The following LRP1B variants were observed in gnomAD, a reference collection of about 807,000 sequenced individuals.
The protein encoded by LRP1B is LDL receptor related protein 1B, also known as low-density lipoprotein receptor-related protein 1B.
Under a neutral mutation model 556.6 loss-of-function variants are expected in LRP1B, and 217 were observed. The observed-to-expected ratio is 0.39, with a 90% CI of 0.35 to 0.44. The LOEUF is 0.44. Among genes scored for constraint, LRP1B ranks in the 20% least tolerant of loss-of-function variants. The pLI is 1.00. For missense variants in LRP1B, 5,053 were observed against 5,620.8 expected, an observed-to-expected ratio of 0.90 and a Z score of 3.23; for synonymous variants, 2,047 against 1,865.8, an observed-to-expected ratio of 1.10 and a Z score of -2.50.
intron 43 of LRP1B, among the ~76,000 whole-genome samples, chr2:140,552,330 T>C (rs1422829937): frequency 1.3e-5 from 2 of 152,096 alleles, no homozygotes; most frequent in Admixed American, 6.6e-5. Context: ...TGACAGTTTT[T>C]CAATGTTATC....
At chr2:141,984,784 A>G (rs1702139504) in intron 1 of LRP1B, among the ~76,000 whole-genome samples, 1 of 152,174 alleles carries the variant, frequency 6.6e-6, no homozygotes, top group South Asian at 2.1e-4. Flanking sequence ...ATTAAAATCC[A>G]GTATTTAATT....
At chr2:142,022,288 AAC>A (rs201229277) in intron 1 of LRP1B, among the ~76,000 whole-genome samples, 12 of 151,518 alleles carry the variant, frequency 7.9e-5, no homozygotes, top group African/African-American at 2.4e-4. Flanking sequence ...TGTAAAAAAA[AAC>A]AACAGTGAAA....
intron 86 of LRP1B, among the ~76,000 whole-genome samples, chr2:140,259,788 G>C (rs1681852305): frequency 6.6e-6 from 1 of 151,918 alleles, no homozygotes; most frequent in South Asian, 2.1e-4. Context: ...GAATAGAACA[G>C]GCAGCATTCC....
chr2:140,994,227 G>T (rs1697176753), intron 15 of LRP1B, 92 bp from the exon 16 acceptor site: 1 of 1,098,792 alleles, frequency 9.1e-7, no homozygotes, highest in East Asian at 2.4e-5. Context: ...GTTTGTTTTA[G>T]ATTCTACATA....
At chr2:141,256,976 G>A (rs532677906) in intron 3 of LRP1B, among the ~76,000 whole-genome samples, 2 of 151,854 alleles carry the variant, frequency 1.3e-5, no homozygotes, top group Non-Finnish European at 1.5e-5. Context: ...AGGTATCAGC[G>A]ATAAGAACTA....
chr2:140,457,795 CT>C (rs1467511093), intron 60 of LRP1B, 144 bp from the exon 61 acceptor site: 1 of 617,954 alleles, frequency 1.6e-6, no homozygotes, highest in African/African-American at 1.8e-5. Flanking sequence ...CAGCAAAGTT[CT>C]TTATTACCAG....
intron 3 of LRP1B, among the ~76,000 whole-genome samples, chr2:141,472,217 G>A (rs369475635): frequency 6.6e-6 from 1 of 152,102 alleles, no homozygotes; most frequent in Non-Finnish European, 1.5e-5. Context: ...ATTTTATTGG[G>A]GTGGGAGCAA....
chr2:140,834,733 C>A (rs1691841491), intron 31 of LRP1B, among the ~76,000 whole-genome samples: 1 of 151,974 alleles, frequency 6.6e-6, no homozygotes, highest in Non-Finnish European at 1.5e-5. Flanking sequence ...AGTTCACCAT[C>A]CAGAATTGAA....
chr2:141,264,154 G>C (rs530615293), intron 3 of LRP1B, among the ~76,000 whole-genome samples: 10 of 151,922 alleles, frequency 6.6e-5, no homozygotes, highest in Admixed American at 6.6e-4. Context: ...TAAGTAAAAC[G>C]GTTTCTGTTT....
intron 1 of LRP1B, among the ~76,000 whole-genome samples, chr2:141,917,268 G>A (rs1558960078): frequency 6.6e-6 from 1 of 152,054 alleles, no homozygotes; most frequent in African/African-American, 2.4e-5. Context: ...CCTATCAGAG[G>A]CCATCACATA....
At chr2:140,985,707 G>A (rs79917852) in intron 17 of LRP1B, among the ~76,000 whole-genome samples, 3,501 of 151,172 alleles carry the variant, frequency 0.023, 67 homozygotes, top group South Asian at 0.035. Flanking sequence ...TATTCACTTC[G>A]CCGCATCCTG....
chr2:141,223,073 A>G (rs1683107609), intron 6 of LRP1B, among the ~76,000 whole-genome samples: 1 of 152,180 alleles, frequency 6.6e-6, no homozygotes, highest in African/African-American at 2.4e-5. Context: ...AGGGGATTCA[A>G]ATAGGAAGAG....
intron 41 of LRP1B, among the ~76,000 whole-genome samples, chr2:140,608,990 G>A (rs898101480): frequency 2.0e-5 from 3 of 152,074 alleles, no homozygotes; most frequent in Middle Eastern, 3.2e-3. Context: ...CACTACTACT[G>A]GAAGGAAAGT....
chr2:141,721,830 A>G (rs1375210853), intron 2 of LRP1B, among the ~76,000 whole-genome samples: 1 of 152,152 alleles, frequency 6.6e-6, no homozygotes, highest in Non-Finnish European at 1.5e-5. Context: ...CAAAATGTAT[A>G]TGGCCATCTC....
chr2:141,633,204 T>C (rs780092834), intron 2 of LRP1B, among the ~76,000 whole-genome samples: 32 of 152,132 alleles, frequency 2.1e-4, no homozygotes, highest in Non-Finnish European at 4.0e-4. Context: ...GGAGAAAGCT[T>C]TTCAAATCTG....
chr2:140,917,924 G>A (rs551105191), intron 21 of LRP1B, among the ~76,000 whole-genome samples: 51 of 152,226 alleles, frequency 3.4e-4, no homozygotes, highest in African/African-American at 1.1e-3. Context: ...TGACAGTAAA[G>A]AAAGCTGTGC....
At chr2:140,325,916 AAATTTG>A in intron 79 of LRP1B, 38 bp from the exon 80 acceptor site, 1 of 1,226,946 alleles carries the variant, frequency 8.2e-7, no homozygotes, top group Non-Finnish European at 1.2e-6. Flanking sequence ...TAGTGCAAGT[AAATTTG>A]AAATCATTCA....
At chr2:141,691,199 A>C (rs1691515422) in intron 2 of LRP1B, among the ~76,000 whole-genome samples, 1 of 151,922 alleles carries the variant, frequency 6.6e-6, no homozygotes, top group African/African-American at 2.4e-5. Context: ...TGGTCCATTT[A>C]TATTCCTATT....
chr2:141,406,547 CATCTATCTATCTATCTATCT>C (rs71982875), intron 3 of LRP1B, among the ~76,000 whole-genome samples: 44 of 149,310 alleles, frequency 2.9e-4, no homozygotes, highest in Middle Eastern at 3.4e-3. Flanking sequence ...ATCTATCTAT[CATCTATCTATCTATCTATCT>C]ATCTATCTAT....
Sources: allele counts gnomAD v4.1 joint callset (sites outside exome capture counted in the v4.1 genomes callset), GRCh38; gene constraint gnomAD v4.1.1; transcripts MANE v1.5; gene names NCBI Gene and HGNC (gene_info 2026-07-23, HGNC 2026-07-21).